The following CHN2 variants were observed in gnomAD, a reference collection of about 807,000 sequenced individuals.
The protein encoded by CHN2 is chimerin 2.
Under a neutral mutation model 56.3 loss-of-function variants are expected in CHN2, and 35 were observed. That is an observed-to-expected ratio of 0.62 (90% confidence interval 0.47 to 0.82). The LOEUF (loss-of-function observed/expected upper bound fraction) is 0.82. CHN2 is among the 40% of genes least tolerant of loss of function. The pLI is 0.00. For synonymous variants in CHN2, 210 were observed against 212.8 expected (o/e 0.99, Z 0.12); for missense variants, 491 against 580.5 (o/e 0.85, Z 1.58).
At chr7:29,509,504 A>C (rs1791018673) in intron 12 of CHN2, 98 bp downstream of exon 12, 1 of 917,908 alleles carries the variant, frequency 1.1e-6, no homozygotes, top group Admixed American at 1.9e-5. Flanking sequence ...TAACTGCTGG[A>C]GTTTCACTGT....
rs376391558 is a variant in CHN2 at position 29,336,423 on chromosome 7, A to G, written c.50-18202A>G. On this transcript the variant is annotated intron_variant, in intron 1 of 12. Coordinates refer to ENST00000222792, the MANE Select transcript of CHN2 (RefSeq NM_004067.4). ...CCAGGAGTTCAAGTGCAGCCTGAGC[A>G]ACACAGTAAGACTCTGTCTCTACAA... Among the ~76,000 whole-genome samples, 49 of 152,226 alleles carry G rather than the reference A, an allele frequency of 3.2e-4. 1 individual carries two copies. The South Asian group carries it at 9.5e-3, about 30-fold the overall frequency.
chr7:29,438,534 A>G (rs1254170384), intron 6 of CHN2, among the ~76,000 whole-genome samples: 1 of 152,162 alleles, frequency 6.6e-6, no homozygotes, highest in African/African-American at 2.4e-5. Flanking sequence ...GTTAGAAACA[A>G]CTCTGCAATG....
intron 1 of CHN2, among the ~76,000 whole-genome samples, chr7:29,246,915 G>C (rs1788122796): frequency 6.6e-6 from 1 of 152,186 alleles, no homozygotes; most frequent in Non-Finnish European, 1.5e-5. Context: ...CCGCCTCCTA[G>C]TACTATTACC....
chr7:29,154,638 A>C (rs988271116), intron 2 of CHN2, among the ~76,000 whole-genome samples: 13 of 152,152 alleles, frequency 8.5e-5, no homozygotes, highest in Non-Finnish European at 1.8e-4. Flanking sequence ...GTTTGAGACC[A>C]GCCTGGCCAA....
At chr7:29,354,171 G>A (rs1798104882) in intron 1 of CHN2, among the ~76,000 whole-genome samples, 1 of 152,226 alleles carries the variant, frequency 6.6e-6, no homozygotes, top group African/African-American at 2.4e-5. Flanking sequence ...TCAGTTGGTT[G>A]AGTTGCACAG....
intron 1 of CHN2, among the ~76,000 whole-genome samples, chr7:29,213,532 A>C (rs566676662): frequency 3.9e-5 from 6 of 152,336 alleles, no homozygotes; most frequent in Admixed American, 1.3e-4. Flanking sequence ...TTCAGGGTTT[A>C]GAATCTAACC....
intron 6 of CHN2, among the ~76,000 whole-genome samples, chr7:29,429,694 T>G (rs751273874): frequency 6.6e-5 from 10 of 152,230 alleles, no homozygotes; most frequent in Non-Finnish European, 1.3e-4. Context: ...GAGCAGGACT[T>G]GAGTGGGTCC....
chr7:29,248,922 G>A (rs573303476), intron 1 of CHN2, among the ~76,000 whole-genome samples: 1 of 152,258 alleles, frequency 6.6e-6, no homozygotes, highest in South Asian at 2.1e-4. Context: ...TCATCACCAG[G>A]CCTATCTGTT....
chr7:29,483,292 A>T (rs1787549401), intron 7 of CHN2, among the ~76,000 whole-genome samples: 1 of 152,142 alleles, frequency 6.6e-6, no homozygotes, highest in South Asian at 2.1e-4. Flanking sequence ...GAAACCCCCA[A>T]CATTCCCTAA....
chr7:29,400,702 C>T lies in CHN2; in HGVS notation c.450C>T (p.Asn150=), dbSNP rs544256613. Residue 150 remains asparagine (N), a synonymous_variant, in exon 6 of 13, where the codon AAC becomes AAT. Coordinates refer to ENST00000222792, the MANE Select transcript of CHN2 (RefSeq NM_004067.4). ...AAEYISKMTT[N]PIYEHIGYAT... ...AGTACATTTCAAAAATGACAACTAA[C>T]CCCATCTATGAACACATTGGATATG... 5 of 1,614,012 alleles carry T rather than the reference C, an allele frequency of 3.1e-6. No individual in the cohort carries two copies. The African/African-American group carries it at 4.0e-5, about 13-fold the overall frequency.
chr7:29,235,877 C>T (rs1418175653), intron 1 of CHN2, among the ~76,000 whole-genome samples: 1 of 152,060 alleles, frequency 6.6e-6, no homozygotes, highest in East Asian at 1.9e-4. Flanking sequence ...GGCACTGGGC[C>T]GGCTTGAAGG....
intron 2 of CHN2, among the ~76,000 whole-genome samples, chr7:29,188,858 A>T (rs994425446): frequency 6.6e-6 from 1 of 152,032 alleles, no homozygotes; most frequent in Non-Finnish European, 1.5e-5. Context: ...TATTTTAAAA[A>T]TTTGTCCCAG....
chr7:29,327,621 T>G (rs1795909585), intron 1 of CHN2, among the ~76,000 whole-genome samples: 1 of 152,222 alleles, frequency 6.6e-6, no homozygotes, highest in Non-Finnish European at 1.5e-5. Context: ...ACTTAAGTCC[T>G]GATTCTTTGC....
intron 6 of CHN2, among the ~76,000 whole-genome samples, chr7:29,401,711 C>T (rs1397148825): frequency 1.3e-5 from 2 of 152,194 alleles, no homozygotes; most frequent in East Asian, 3.9e-4. Context: ...TATGCCTCAC[C>T]AAGGATTAAA....
chr7:29,401,366 C>T (rs1163341274), intron 6 of CHN2: 1 of 152,274 alleles, frequency 6.6e-6, no homozygotes, highest in East Asian at 1.9e-4. Context: ...AGACCCAGGA[C>T]TTCTACCAAG....
intron 2 of CHN2, among the ~76,000 whole-genome samples, chr7:29,357,748 T>C (rs1334855502): frequency 1.3e-5 from 2 of 152,230 alleles, no homozygotes; most frequent in African/African-American, 2.4e-5. Flanking sequence ...TCTGAGGGCC[T>C]TCATGAGATG....
intron 1 of CHN2, among the ~76,000 whole-genome samples, chr7:29,312,795 T>A (rs1256651785): frequency 1.3e-5 from 2 of 152,170 alleles, no homozygotes; most frequent in African/African-American, 4.8e-5. Flanking sequence ...GCATTATTTT[T>A]AAAACAAATG....
At chr7:29,352,120 A>G (rs1465114852) in intron 1 of CHN2, among the ~76,000 whole-genome samples, 2 of 152,312 alleles carry the variant, frequency 1.3e-5, no homozygotes, top group East Asian at 1.9e-4. Flanking sequence ...CTTAGATCCA[A>G]GTGGAGCATC....
intron 1 of CHN2, among the ~76,000 whole-genome samples, chr7:29,338,959 A>AT (rs58592490): frequency 0.019 from 2,834 of 152,344 alleles, 103 homozygotes; most frequent in African/African-American, 0.065. Context: ...AGGCTAAGAT[A>AT]TCTACATGAT....
Sources: allele counts gnomAD v4.1 joint callset (sites outside exome capture counted in the v4.1 genomes callset), GRCh38; gene constraint gnomAD v4.1.1; transcripts MANE v1.5; gene names NCBI Gene and HGNC (gene_info 2026-07-23, HGNC 2026-07-21).